KCNN2: variants seen among roughly 807,000 people sequenced by gnomAD.
KCNN2 encodes potassium calcium-activated channel subfamily N member 2.
KCNN2 carries 24 observed loss-of-function variants against 55.5 expected under a neutral mutation model. The ratio of observed to expected loss-of-function variants is 0.43; its 90% confidence interval spans 0.31 to 0.61. The LOEUF is 0.61. Ranked by LOEUF, KCNN2 falls within the 20% of genes least tolerant of loss-of-function variation. The pLI, the probability that KCNN2 is intolerant of heterozygous loss-of-function variation, is 0.08. For synonymous variants in KCNN2, 431 were observed against 336.1 expected, an observed-to-expected ratio of 1.28 and a Z score of -3.09; for missense variants, 754 against 853.6, an observed-to-expected ratio of 0.88 and a Z score of 1.45.
chr5:114,115,204 A>C (rs969631689), intron 1 of KCNN2, among the ~76,000 whole-genome samples: 1 of 152,180 alleles, frequency 6.6e-6, no homozygotes, highest in African/African-American at 2.4e-5. Flanking sequence ...GCTTACAAGC[A>C]GCAAAATGTT....
At chr5:114,382,619 A>C (rs1208056671) in intron 2 of KCNN2, among the ~76,000 whole-genome samples, 2 of 152,218 alleles carry the variant, frequency 1.3e-5, no homozygotes, top group Non-Finnish European at 2.9e-5. Flanking sequence ...AAAGAATGCT[A>C]ATGGAGAAAA....
In KCNN2 at chr5:114,077,528, C is replaced by G. The variant is rs891888124; in HGVS notation, c.-271+21028C>G. Among the ~76,000 whole-genome samples, 3 of 152,310 alleles carry G rather than the reference C, an allele frequency of 2.0e-5. No individual in the cohort carries two copies. The East Asian group carries it at 5.8e-4, about 29-fold the overall frequency. ...AAAGGTAAAGGACACTGCCCTGGGT[C>G]TTGAGGGGCTGCAGCTCTTCTCTCT... On this transcript the variant is annotated intron_variant, in intron 1 of 10. Transcript: ENST00000512097.
chr5:114,395,346 A>T (rs984791825), intron 2 of KCNN2, among the ~76,000 whole-genome samples: 1 of 152,206 alleles, frequency 6.6e-6, no homozygotes, highest in Non-Finnish European at 1.5e-5. Flanking sequence ...TCATGGTGGG[A>T]CATATTCTGA....
At position 114,112,021 on chromosome 5, in the gene KCNN2, A is replaced by T. The variant is rs555604733; in HGVS notation, c.-271+55521A>T. Among the ~76,000 whole-genome samples the T allele has an allele frequency of 1.1e-4, 16 of 152,354 alleles. 1 individual carries two copies. Among genetic ancestry groups the T allele is most frequent in the African/African-American group, 3.8e-4 (16 of 41,586 alleles). On this transcript the variant is annotated intron_variant, in intron 1 of 10. Transcript: ENST00000512097. Reference sequence around the variant, plus strand: ...ATAAATGGTGCTGCTATAAAGACACATGTGCATGTATGTTTATTGCAGCAC... The same window carrying T: ...ATAAATGGTGCTGCTATAAAGACACTTGTGCATGTATGTTTATTGCAGCAC...
At chr5:114,144,795 GTACT>G (rs1449322051) in intron 1 of KCNN2, among the ~76,000 whole-genome samples, 2 of 143,666 alleles carry the variant, frequency 1.4e-5, no homozygotes, top group African/African-American at 5.2e-5. Context: ...TTTTGGGATG[GTACT>G]CTGTGAATGT....
At chr5:114,482,763 A>G (rs1039666982) in intron 5 of KCNN2, among the ~76,000 whole-genome samples, 5 of 152,330 alleles carry the variant, frequency 3.3e-5, no homozygotes, top group Admixed American at 1.3e-4. Flanking sequence ...ATCCTCATCA[A>G]ACTAATGCAG....
At chr5:114,359,522 A>G (rs1227901889), upstream of KCNN2, among the ~76,000 whole-genome samples, 1 of 152,194 alleles carries the variant, frequency 6.6e-6, no homozygotes, top group Non-Finnish European at 1.5e-5. Flanking sequence ...GCTATTTGAC[A>G]AAGTCAGTTT....
chr5:114,078,751 A>C (rs1750735877), intron 1 of KCNN2, among the ~76,000 whole-genome samples: 1 of 152,210 alleles, frequency 6.6e-6, no homozygotes, highest in African/African-American at 2.4e-5. Flanking sequence ...GTAGGTAGGT[A>C]GAAGGAGGCA....
At chr5:114,066,929 T>G (rs1334543851) in intron 1 of KCNN2, among the ~76,000 whole-genome samples, 2 of 152,178 alleles carry the variant, frequency 1.3e-5, no homozygotes, top group Non-Finnish European at 1.5e-5. Flanking sequence ...GGACCCAAGT[T>G]TCAGGGAGTA....
intron 1 of KCNN2, among the ~76,000 whole-genome samples, chr5:114,167,719 A>G (rs1240160929): frequency 6.6e-6 from 1 of 152,144 alleles, no homozygotes; most frequent in Non-Finnish European, 1.5e-5. Context: ...AGATATGAAA[A>G]TGTACAAACT....
At chr5:114,275,898 C>T (rs941117563) in intron 2 of KCNN2, among the ~76,000 whole-genome samples, 6 of 152,070 alleles carry the variant, frequency 3.9e-5, no homozygotes, top group African/African-American at 1.4e-4. Context: ...TCTTGCTTCT[C>T]TAGGTCTTTT....
At chr5:114,469,034 G>C (rs918512327) in intron 4 of KCNN2, among the ~76,000 whole-genome samples, 1 of 152,124 alleles carries the variant, frequency 6.6e-6, no homozygotes, top group Non-Finnish European at 1.5e-5. Flanking sequence ...CAGTTTCTGC[G>C]CTATAATGGA....
chr5:114,426,609 G>T (rs1181849898), intron 3 of KCNN2, among the ~76,000 whole-genome samples: 3 of 151,912 alleles, frequency 2.0e-5, no homozygotes, highest in East Asian at 1.9e-4. Context: ...GATTTTATAG[G>T]CCTCTCATTT....
At chr5:114,127,207 G>T (rs547164412) in intron 1 of KCNN2, among the ~76,000 whole-genome samples, 1 of 152,142 alleles carries the variant, frequency 6.6e-6, no homozygotes, top group Non-Finnish European at 1.5e-5. Flanking sequence ...AAGCATTGTA[G>T]TGGGAACTCT....
intron 1 of KCNN2, among the ~76,000 whole-genome samples, chr5:114,170,106 T>G (rs1753001982): frequency 6.6e-6 from 1 of 152,098 alleles, no homozygotes; most frequent in Non-Finnish European, 1.5e-5. Context: ...TATCAAAAAC[T>G]GTTGCTAGGA....
intron 3 of KCNN2, among the ~76,000 whole-genome samples, chr5:114,446,498 C>T (rs1760413219): frequency 6.6e-6 from 1 of 152,118 alleles, no homozygotes; most frequent in Admixed American, 6.5e-5. Flanking sequence ...CGCCTTGTTG[C>T]CCAGGCTGGA....
intron 3 of KCNN2, among the ~76,000 whole-genome samples, chr5:114,454,904 T>A (rs1760852042): frequency 6.6e-6 from 1 of 152,224 alleles, no homozygotes. Flanking sequence ...GAATTGGGGG[T>A]ACACAGACCA....
At chr5:114,458,017 C>G (rs751832497) in intron 3 of KCNN2, among the ~76,000 whole-genome samples, 4 of 152,164 alleles carry the variant, frequency 2.6e-5, no homozygotes, top group Admixed American at 6.5e-5. Context: ...CAGTAATTGA[C>G]ATAAGAATGT....
At chr5:114,207,052 C>A (rs559262026) in intron 1 of KCNN2, among the ~76,000 whole-genome samples, 3 of 152,278 alleles carry the variant, frequency 2.0e-5, no homozygotes, top group African/African-American at 7.2e-5. Flanking sequence ...ACTCTTTATT[C>A]AACATGTATG....
Sources: allele counts gnomAD v4.1 joint callset (sites outside exome capture counted in the v4.1 genomes callset), GRCh38; gene constraint gnomAD v4.1.1; transcripts MANE v1.5; gene names NCBI Gene and HGNC (gene_info 2026-07-23, HGNC 2026-07-21).